Variants in KCNIP4 observed in about 807,000 individuals in gnomAD.
KCNIP4 encodes Kv channel-interacting protein 4.
KCNIP4 carries 12 observed loss-of-function variants against 34.0 expected under a neutral mutation model. The observed-to-expected ratio is 0.35, with a 90% CI of 0.23 to 0.57. The LOEUF (loss-of-function observed/expected upper bound fraction) is 0.57. Ranked by LOEUF, KCNIP4 falls within the 20% of genes least tolerant of loss-of-function variation. The pLI is 0.83. For synonymous variants in KCNIP4, 124 were observed against 102.2 expected, an observed-to-expected ratio of 1.21 and a Z score of -1.29; for missense variants, 238 against 311.7, an observed-to-expected ratio of 0.76 and a Z score of 1.78.
At chr4:21,176,876 G>A (rs1410800999) in intron 1 of KCNIP4, among the ~76,000 whole-genome samples, 1 of 152,182 alleles carries the variant, frequency 6.6e-6, no homozygotes, top group African/African-American at 2.4e-5. Context: ...CAGCACACCT[G>A]TCTTTTCCTC....
intron 1 of KCNIP4, among the ~76,000 whole-genome samples, chr4:21,673,740 G>A (rs898126523): frequency 6.6e-6 from 1 of 152,128 alleles, no homozygotes; most frequent in Non-Finnish European, 1.5e-5. Context: ...GGTGGGTAAT[G>A]AACTATGCTC....
At chr4:21,321,428 G>A (rs1714402475) in intron 1 of KCNIP4, among the ~76,000 whole-genome samples, 1 of 152,136 alleles carries the variant, frequency 6.6e-6, no homozygotes, top group African/African-American at 2.4e-5. Context: ...CAGATATTGG[G>A]AAGATGTAAA....
intron 1 of KCNIP4, among the ~76,000 whole-genome samples, chr4:21,926,551 A>G (rs1729257033): frequency 1.3e-5 from 2 of 152,184 alleles, no homozygotes; most frequent in Non-Finnish European, 2.9e-5. Flanking sequence ...TCTCCAGGAT[A>G]GGCACTTTAC....
chr4:21,617,726 C>T (rs1744702600), intron 1 of KCNIP4, among the ~76,000 whole-genome samples: 1 of 152,138 alleles, frequency 6.6e-6, no homozygotes, highest in Non-Finnish European at 1.5e-5. Flanking sequence ...TTATTCCACC[C>T]TCTATTGTCT....
At chr4:20,830,857 C>T (rs16870108) in intron 3 of KCNIP4, among the ~76,000 whole-genome samples, 31,177 of 151,910 alleles carry the variant, frequency 0.21, 3,444 homozygotes, top group South Asian at 0.42. Context: ...CTATATGGTA[C>T]GGACAAGATG....
At chr4:21,798,381 G>A (rs1278542559) in intron 1 of KCNIP4, among the ~76,000 whole-genome samples, 3 of 115,042 alleles carry the variant, frequency 2.6e-5, no homozygotes, top group Non-Finnish European at 5.7e-5. Context: ...GCGGAACCCC[G>A]TTTCCACACA....
At chr4:21,563,322 T>C (rs984830588) in intron 1 of KCNIP4, among the ~76,000 whole-genome samples, 2 of 152,136 alleles carry the variant, frequency 1.3e-5, no homozygotes, top group Non-Finnish European at 2.9e-5. Flanking sequence ...TGATGGAACA[T>C]GCATTGGAAG....
At chr4:20,813,119 T>G (rs1401267277) in intron 3 of KCNIP4, among the ~76,000 whole-genome samples, 2 of 152,150 alleles carry the variant, frequency 1.3e-5, no homozygotes, top group Non-Finnish European at 2.9e-5. Context: ...GAGGCCCACC[T>G]GTGATTTAGG....
chr4:21,153,553 C>A (rs768070591), intron 1 of KCNIP4, among the ~76,000 whole-genome samples: 3 of 129,250 alleles, frequency 2.3e-5, no homozygotes, highest in Admixed American at 8.5e-5. Flanking sequence ...GCTTTACTTG[C>A]TTTTCTATGA....
chr4:20,736,790 A>G (rs933487882), intron 5 of KCNIP4, among the ~76,000 whole-genome samples: 1 of 152,238 alleles, frequency 6.6e-6, no homozygotes, highest in Non-Finnish European at 1.5e-5. Context: ...CAAAAATGAA[A>G]AAGACAAAAA....
chr4:21,128,117 G>C (rs1233842432), intron 1 of KCNIP4, among the ~76,000 whole-genome samples: 1 of 152,116 alleles, frequency 6.6e-6, no homozygotes, highest in Non-Finnish European at 1.5e-5. Context: ...CAATAAATCA[G>C]ACAGCCTTGT....
intron 3 of KCNIP4, among the ~76,000 whole-genome samples, chr4:20,829,126 T>C (rs908107871): frequency 7.2e-5 from 11 of 152,306 alleles, no homozygotes; most frequent in South Asian, 6.2e-4. Flanking sequence ...CTTTAAACCA[T>C]TGTGAAGTGT....
Position 20,947,936 on chromosome 4 carries a change from T to C in KCNIP4, c.62-65227A>G, listed in dbSNP as rs540171500. 2.3e-3 allele frequency among the ~76,000 whole-genome samples: 345 copies of C among 152,306 alleles called. 1 individual carries two copies. The highest frequency in any genetic ancestry group is 7.9e-3 in the African/African-American group (329 of 41,554). On this transcript the variant is annotated intron_variant, in intron 1 of 8. Transcript: ENST00000382152. ...GTTCCAACTCATCACTGATTAATGG[T>C]ATGGTCCCTTTCAATCTCTCTGAGC...
At chr4:21,768,124 AT>A (rs922685303) in intron 1 of KCNIP4, among the ~76,000 whole-genome samples, 17 of 152,260 alleles carry the variant, frequency 1.1e-4, no homozygotes, top group African/African-American at 4.1e-4. Flanking sequence ...GAGCTTCTAA[AT>A]TTATGATTTG....
intron 1 of KCNIP4, among the ~76,000 whole-genome samples, chr4:21,550,438 T>C (rs1738485520): frequency 6.6e-6 from 1 of 152,136 alleles, no homozygotes; most frequent in Non-Finnish European, 1.5e-5. Flanking sequence ...TGCCTGAGAA[T>C]ATGCTAAATT....
chr4:20,853,701 G>A (rs1368597009), intron 2 of KCNIP4, among the ~76,000 whole-genome samples: 5 of 152,064 alleles, frequency 3.3e-5, no homozygotes, highest in African/African-American at 9.7e-5. Flanking sequence ...AGTCAGCAGA[G>A]TAAACAGACA....
intron 3 of KCNIP4, among the ~76,000 whole-genome samples, chr4:20,808,690 G>C (rs1000493618): frequency 1.3e-5 from 2 of 152,098 alleles, no homozygotes; most frequent in African/African-American, 4.8e-5. Context: ...TTTGTTAAAG[G>C]AGTAGCAGTT....
At chr4:20,802,224 A>ATATG (rs1232809375) in intron 3 of KCNIP4, among the ~76,000 whole-genome samples, 29 of 82,790 alleles carry the variant, frequency 3.5e-4, no homozygotes, top group African/African-American at 9.0e-4. Flanking sequence ...TATATGCTAT[A>ATATG]CATATGCTAC....
intron 1 of KCNIP4, among the ~76,000 whole-genome samples, chr4:21,122,982 G>A (rs184586823): frequency 2.1e-4 from 32 of 152,206 alleles, no homozygotes; most frequent in African/African-American, 5.3e-4. Context: ...AGGCCAAGGC[G>A]GGCAGATCAC....
Sources: allele counts gnomAD v4.1 joint callset (sites outside exome capture counted in the v4.1 genomes callset), GRCh38; gene constraint gnomAD v4.1.1; transcripts MANE v1.5; gene names NCBI Gene and HGNC (gene_info 2026-07-23, HGNC 2026-07-21).